Variants in MTOR observed in about 807,000 individuals in gnomAD.
MTOR encodes mechanistic target of rapamycin kinase.
MTOR carries 70 observed loss-of-function variants against 319.8 expected under a neutral mutation model. The observed-to-expected ratio is 0.22, with a 90% CI of 0.18 to 0.27. MTOR has a LOEUF of 0.27. Among genes scored for constraint, MTOR ranks in the 10% least tolerant of loss-of-function variants. The pLI is 1.00. For synonymous variants in MTOR, 1,183 were observed against 1,211.4 expected, an observed-to-expected ratio of 0.98 and a Z score of 0.49; for missense variants, 1,890 against 3,274.4, an observed-to-expected ratio of 0.58 and a Z score of 10.32.
rs774860543 is a variant in MTOR at position 11,121,943 on chromosome 1, G to A, written c.6810+36C>T. On this transcript the variant is annotated intron_variant, in intron 48 of 57. Coordinates refer to ENST00000361445, the MANE Select transcript of MTOR (RefSeq NM_004958.4). The surrounding 1 kb of genome is among the most constrained non-coding windows in gnomAD (Gnocchi z 4.9). ...CAGCGCTACGGAGATTCCCTGCCAC[G>A]GAAGGGGCACTAGCTCTCGTGGCCG... is the stretch of plus-strand genomic sequence containing the variant. 1.1e-5 allele frequency: 18 copies of A among 1,608,846 alleles called. No individual in the cohort carries two copies. The East Asian group carries it at 2.0e-4, about 18-fold the overall frequency.
chr1:11,130,900 C>G, intron 38 of MTOR, 123 bp from the exon 39 acceptor site: 1 of 1,273,418 alleles, frequency 7.9e-7, no homozygotes. Flanking sequence ...ATAAAGCAAA[C>G]ACTTCAAGGA....
At position 11,114,412 on chromosome 1, in the gene MTOR, T is replaced by C. The variant is rs1225129271; in HGVS notation, c.7206A>G (p.Thr2402=). 3.1e-6 allele frequency: 5 copies of C among 1,614,062 alleles called. No individual in the cohort carries two copies. The highest frequency in any genetic ancestry group is 3.4e-6 in the Non-Finnish European group (4 of 1,180,034). Residue 2402 remains threonine (T), a synonymous_variant, in exon 53 of 58, where the codon ACA becomes ACG. Coordinates refer to ENST00000361445, the MANE Select transcript of MTOR (RefSeq NM_004958.4). ...LDGNYRITCH[T]VMEVLREHKD... The stretch of plus-strand genomic sequence containing the variant: ...TGTGCTCTCGCAGCACCTCCATCAC[T>C]GTGTGGCATGTGATTCTGTAGTTGC...
At chr1:11,158,886 T>G (rs1259751381) in intron 29 of MTOR, among the ~76,000 whole-genome samples, 1 of 152,188 alleles carries the variant, frequency 6.6e-6, no homozygotes, top group Admixed American at 6.5e-5. Context: ...CACACAAAAT[T>G]CTAATGAGAT....
At chr1:11,242,563 C>T (rs991257233) in intron 9 of MTOR, among the ~76,000 whole-genome samples, 4 of 148,504 alleles carry the variant, frequency 2.7e-5, no homozygotes, top group Non-Finnish European at 4.5e-5. Flanking sequence ...CAGCAATCTT[C>T]GCTAATAAAC....
intron 28 of MTOR, among the ~76,000 whole-genome samples, chr1:11,198,714 T>C (rs1396651205): frequency 3.9e-5 from 6 of 152,220 alleles, no homozygotes; most frequent in East Asian, 1.9e-4. Flanking sequence ...ATTTTTTCCA[T>C]ACCCAGAAGA....
intron 50 of MTOR, among the ~76,000 whole-genome samples, chr1:11,116,606 G>A (rs553816753): frequency 6.6e-6 from 1 of 152,132 alleles, no homozygotes; most frequent in Non-Finnish European, 1.5e-5. Context: ...CAATGAGCCT[G>A]CCCTGCAATA....
intron 28 of MTOR, chr1:11,195,943 G>A (rs1461364865): frequency 1.3e-5 from 2 of 152,122 alleles, no homozygotes; most frequent in Non-Finnish European, 2.9e-5. Flanking sequence ...AACATTCAAC[G>A]TTTCTTTTCC....
intron 28 of MTOR, among the ~76,000 whole-genome samples, chr1:11,179,555 ACTCTC>A (rs1557810070): frequency 2.0e-5 from 3 of 152,020 alleles, no homozygotes; most frequent in African/African-American, 7.3e-5. Context: ...AAACCCCAGA[ACTCTC>A]CTCTTCTTAC....
At chr1:11,134,086 T>C (rs1008176404) in intron 37 of MTOR, among the ~76,000 whole-genome samples, 1 of 150,692 alleles carries the variant, frequency 6.6e-6, no homozygotes, top group African/African-American at 2.4e-5. Context: ...AGGGGCAGCA[T>C]ATCTGACATT....
At chr1:11,224,368 C>T (rs1226740148) in intron 19 of MTOR, among the ~76,000 whole-genome samples, 1 of 151,920 alleles carries the variant, frequency 6.6e-6, no homozygotes, top group Non-Finnish European at 1.5e-5. Context: ...GTCAACTTAC[C>T]AGGAAGATAT....
chr1:11,192,329 A>C (rs1465678002), intron 28 of MTOR: 3 of 1,614,056 alleles, frequency 1.9e-6, no homozygotes. Flanking sequence ...TGGAGTGTAT[A>C]AGCTTCCTCC....
In MTOR at chr1:11,233,418, T is replaced by C; in HGVS notation, c.2401A>G (p.Thr801Ala). 1 of 1,614,146 alleles carries C rather than the reference T, an allele frequency of 6.2e-7. No homozygotes were observed. Among genetic ancestry groups the C allele is most frequent in the South Asian group, 1.1e-5 (1 of 91,064 alleles). The change falls in exon 15 of 58, where the codon ACA becomes GCA. Residue 801 changes from threonine (T) to alanine (A), a missense_variant. Thr to Ala is a moderately conservative substitution (Grantham distance 58). Coordinates refer to ENST00000361445, the MANE Select transcript of MTOR (RefSeq NM_004958.4). ...TTTACCTGTGCCAATTCTCCTATTG[T>C]TGCCAGGACATTATTGATCACACCT... Reference protein sequence around the residue: ...NPGVINNVLATIGELAQVSGL... With the variant: ...NPGVINNVLAAIGELAQVSGL...
intron 5 of MTOR, 100 bp downstream of exon 5, chr1:11,255,892 A>G (rs918968368): frequency 8.4e-6 from 9 of 1,068,576 alleles, no homozygotes; most frequent in Non-Finnish European, 1.2e-5. Flanking sequence ...CCAAAACGTG[A>G]TTCTTGCTCC....
Position 11,127,413 on chromosome 1 carries a change from G to A in MTOR, c.6216+211C>T. Reference sequence around the variant, plus strand: ...GGCTTTTCCAGTTAAAATTCAGAAGGGTCCCTGTAACTAATTTCTGATGTT... The same window carrying A: ...GGCTTTTCCAGTTAAAATTCAGAAGAGTCCCTGTAACTAATTTCTGATGTT... On this transcript the variant is annotated intron_variant, in intron 44 of 57. Transcript: ENST00000361445. This position sits in a 1 kb window ranked among gnomAD's most constrained non-coding sequence, Gnocchi z 5.5. Among the ~76,000 whole-genome samples the A allele has an allele frequency of 6.6e-6, 1 of 152,100 alleles. No homozygotes were observed.
In MTOR at chr1:11,260,165, G is replaced by A. The variant is rs538572961; in HGVS notation, c.-14-742C>T. Reference sequence around the variant, plus strand: ...CAGGTAACAAATGTCAGGAGGTAGGGAAAGAATTAAAAATGACTAAGACTG... The same window carrying A: ...CAGGTAACAAATGTCAGGAGGTAGGAAAAGAATTAAAAATGACTAAGACTG... On this transcript the variant is annotated intron_variant, in intron 1 of 57. Coordinates refer to ENST00000361445, the MANE Select transcript of MTOR (RefSeq NM_004958.4). 2.0e-5 allele frequency among the ~76,000 whole-genome samples: 3 copies of A among 152,338 alleles called. No individual in the cohort carries two copies. The South Asian group carries it at 6.2e-4, about 32-fold the overall frequency.
In MTOR at chr1:11,117,095, C is replaced by T. The variant is rs2100331945; in HGVS notation, c.6934-9G>A. The T allele has an allele frequency of 6.3e-7, 1 of 1,597,226 alleles. No individual in the cohort carries two copies. The highest frequency in any genetic ancestry group is 8.5e-7 in the Non-Finnish European group (1 of 1,172,288). On this transcript the variant is annotated splice_polypyrimidine_tract_variant and intron_variant, in intron 49 of 57. Transcript: ENST00000361445. ...CTTCGGTCAAACCACACCTAGAACA[C>T]AGGAGTGCATGTGAACTACGGTTCT...
At chr1:11,222,777 T>C (rs1316114259) in intron 19 of MTOR, among the ~76,000 whole-genome samples, 2 of 151,802 alleles carry the variant, frequency 1.3e-5, no homozygotes, top group East Asian at 3.9e-4. Context: ...AAAAAAAATA[T>C]ATATATAAGT....
chr1:11,220,435 T>C (rs1310492811), intron 19 of MTOR, among the ~76,000 whole-genome samples: 1 of 152,058 alleles, frequency 6.6e-6, no homozygotes, highest in African/African-American at 2.4e-5. Flanking sequence ...GAGGGTGAAA[T>C]AAAGACTTAT....
chr1:11,189,358 C>T (rs1645430407), intron 28 of MTOR: 9 of 546,500 alleles, frequency 1.6e-5, no homozygotes, highest in Non-Finnish European at 2.6e-5. Context: ...AGCATTCGGG[C>T]TTGGAAGGAA....
Sources: allele counts gnomAD v4.1 joint callset (sites outside exome capture counted in the v4.1 genomes callset), GRCh38; gene constraint gnomAD v4.1.1; non-coding constraint Gnocchi (gnomAD v3.1); transcripts MANE v1.5; gene names NCBI Gene and HGNC (gene_info 2026-07-23, HGNC 2026-07-21).